Variants in FAM110B observed in about 807,000 individuals in gnomAD.
The protein encoded by FAM110B is protein FAM110B.
FAM110B carries 6 observed loss-of-function variants against 20.4 expected under a neutral mutation model. The ratio of observed to expected loss-of-function variants is 0.29; its 90% CI spans 0.16 to 0.58. The LOEUF is 0.58. Among genes scored for constraint, FAM110B ranks in the 20% least tolerant of loss-of-function variants. The pLI is 0.90. For missense variants in FAM110B, 434 were observed against 498.2 expected (o/e 0.87, Z 1.23); for synonymous variants, 226 against 214.1 (o/e 1.06, Z -0.49).
intron 3 of FAM110B, among the ~76,000 whole-genome samples, chr8:58,137,434 G>A (rs151185174): frequency 2.1e-4 from 32 of 152,224 alleles, no homozygotes; most frequent in African/African-American, 4.8e-4. Flanking sequence ...AGTGGCAGGC[G>A]CCTGTAATCC....
intron 2 of FAM110B, among the ~76,000 whole-genome samples, chr8:58,039,067 T>A (rs561723129): frequency 6.6e-6 from 1 of 152,334 alleles, no homozygotes; most frequent in African/African-American, 2.4e-5. Flanking sequence ...CTGCAAGATT[T>A]GTGTTTTTGA....
intron 3 of FAM110B, among the ~76,000 whole-genome samples, chr8:58,088,315 A>G (rs539739708): frequency 5.0e-4 from 76 of 152,222 alleles, no homozygotes; most frequent in Non-Finnish European, 9.3e-4. Flanking sequence ...CTCTCCATAA[A>G]TGTCTTCATT....
chr8:57,999,359 AAATAC>A (rs1804249142), intron 1 of FAM110B, among the ~76,000 whole-genome samples: 1 of 152,328 alleles, frequency 6.6e-6, no homozygotes, highest in East Asian at 1.9e-4. Context: ...AGGCTTTTAA[AAATAC>A]AATTCACAGA....
intron 3 of FAM110B, among the ~76,000 whole-genome samples, chr8:58,105,172 C>T (rs1219291848): frequency 2.0e-5 from 3 of 151,978 alleles, no homozygotes; most frequent in Non-Finnish European, 2.9e-5. Context: ...TTGCTTTGGG[C>T]TCCATGTTAC....
At chr8:58,036,800 T>C (rs1347850924) in intron 2 of FAM110B, among the ~76,000 whole-genome samples, 1 of 152,242 alleles carries the variant, frequency 6.6e-6, no homozygotes, top group African/African-American at 2.4e-5. Flanking sequence ...TTGAGTACCA[T>C]TGAAGAGCAA....
intron 3 of FAM110B, among the ~76,000 whole-genome samples, chr8:58,135,389 AT>A (rs1407938992): frequency 6.6e-6 from 1 of 152,178 alleles, no homozygotes; most frequent in Admixed American, 6.6e-5. Flanking sequence ...CTAACAGGTA[AT>A]TTTTTAACAT....
At chr8:58,015,982 A>G (rs926443355) in intron 1 of FAM110B, among the ~76,000 whole-genome samples, 16 of 152,198 alleles carry the variant, frequency 1.1e-4, no homozygotes, top group Admixed American at 1.0e-3. Flanking sequence ...TCCTAACTGT[A>G]TCATTCAACT....
chr8:58,066,877 A>G (rs575288432), intron 2 of FAM110B, among the ~76,000 whole-genome samples: 1 of 152,256 alleles, frequency 6.6e-6, no homozygotes, highest in East Asian at 1.9e-4. Flanking sequence ...GCTGGATCAC[A>G]GCTCAAACGC....
At chr8:58,013,622 G>T (rs906920709) in intron 1 of FAM110B, among the ~76,000 whole-genome samples, 2 of 152,264 alleles carry the variant, frequency 1.3e-5, no homozygotes, top group African/African-American at 4.8e-5. Flanking sequence ...GGACACAGAG[G>T]GGGAGTCCAG....
intron 3 of FAM110B, among the ~76,000 whole-genome samples, chr8:58,133,118 A>C (rs1472167188): frequency 6.6e-6 from 1 of 151,514 alleles, no homozygotes; most frequent in African/African-American, 2.4e-5. Context: ...AATGTCTGTA[A>C]TTTTTTAAAG....
intron 1 of FAM110B, among the ~76,000 whole-genome samples, chr8:58,002,391 C>A (rs996803359): frequency 6.6e-6 from 1 of 152,244 alleles, no homozygotes; most frequent in African/African-American, 2.4e-5. Context: ...GGTACCACTT[C>A]TCTAAGTCCT....
intron 2 of FAM110B, among the ~76,000 whole-genome samples, chr8:58,046,546 A>C (rs1303092425): frequency 6.6e-6 from 1 of 152,214 alleles, no homozygotes; most frequent in Non-Finnish European, 1.5e-5. Flanking sequence ...CAACATAGTC[A>C]TCCATTGGCA....
At chr8:58,040,558 C>T (rs1805192879) in intron 2 of FAM110B, among the ~76,000 whole-genome samples, 1 of 152,140 alleles carries the variant, frequency 6.6e-6, no homozygotes, top group Non-Finnish European at 1.5e-5. Flanking sequence ...GCCATTAGCC[C>T]ACCCAGAACC....
chr8:58,119,605 C>T (rs1807303738), intron 3 of FAM110B, among the ~76,000 whole-genome samples: 1 of 152,158 alleles, frequency 6.6e-6, no homozygotes, highest in African/African-American at 2.4e-5. Context: ...TCTAATATTC[C>T]AAATAACTTG....
chr8:58,073,494 T>C (rs929128085), intron 2 of FAM110B, among the ~76,000 whole-genome samples: 14 of 152,310 alleles, frequency 9.2e-5, no homozygotes, highest in African/African-American at 2.4e-4. Context: ...CTTCCATACA[T>C]GTAAAATATC....
intron 2 of FAM110B, among the ~76,000 whole-genome samples, chr8:58,064,235 GACACAGACCCAA>G (rs1011810691): frequency 2.0e-4 from 31 of 152,258 alleles, no homozygotes; most frequent in African/African-American, 7.5e-4. Flanking sequence ...TTTTGGTGGA[GACACAGACCCAA>G]ACCATATCAA....
At chr8:58,128,357 A>G (rs1807564577) in intron 3 of FAM110B, among the ~76,000 whole-genome samples, 1 of 152,178 alleles carries the variant, frequency 6.6e-6, no homozygotes, top group Non-Finnish European at 1.5e-5. Context: ...TGGTTTCATC[A>G]GGATTCTCAC....
intron 2 of FAM110B, among the ~76,000 whole-genome samples, chr8:58,063,662 A>G (rs1022877400): frequency 6.6e-6 from 1 of 152,192 alleles, no homozygotes; most frequent in Non-Finnish European, 1.5e-5. Flanking sequence ...TGGAACCTTC[A>G]TGCTCTACCT....
chr8:58,049,402 CT>C (rs112316204), intron 2 of FAM110B, among the ~76,000 whole-genome samples: 330 of 144,444 alleles, frequency 2.3e-3, no homozygotes, highest in Non-Finnish European at 2.2e-3. Flanking sequence ...AAAAGCTAGT[CT>C]TTTTTTTTTT....
Sources: allele counts gnomAD v4.1 joint callset (sites outside exome capture counted in the v4.1 genomes callset), GRCh38; gene constraint gnomAD v4.1.1; transcripts MANE v1.5; gene names NCBI Gene and HGNC (gene_info 2026-07-23, HGNC 2026-07-21).